The following APOOL variants were observed in gnomAD, a reference collection of about 807,000 sequenced individuals.
The protein encoded by APOOL is MICOS complex subunit MIC27.
Under a neutral mutation model 23.1 loss-of-function variants are expected in APOOL, and 12 were observed. The ratio of observed to expected loss-of-function variants is 0.52; its 90% CI spans 0.33 to 0.84. APOOL has a LOEUF of 0.84. APOOL is among the 40% of genes least tolerant of loss of function. The pLI is 0.02. For synonymous variants in APOOL, 77 were observed against 69.9 expected, an observed-to-expected ratio of 1.10 and a Z score of -0.51; for missense variants, 212 against 199.6, an observed-to-expected ratio of 1.06 and a Z score of -0.37.
chrX:85,025,423 C>T lies in APOOL; in HGVS notation c.16-21023C>T, dbSNP rs185535723. Among the ~76,000 whole-genome samples the T allele has an allele frequency of 2.0e-3, 229 of 111,865 alleles. 1 individual carries two copies. Among genetic ancestry groups the T allele is most frequent in the African/African-American group, 7.0e-3 (215 of 30,788 alleles). ...CATGTCCTTCCCACATTGCAAAATA[C>T]AATCGTACTTTCCCAACAGTCCCCA... On this transcript the variant is annotated intron_variant, in intron 1 of 8. Transcript: ENST00000373173.
At chrX:85,035,607 A>G (rs1424615727) in intron 1 of APOOL, among the ~76,000 whole-genome samples, 1 of 111,168 alleles carries the variant, frequency 9.0e-6, no homozygotes, top group Non-Finnish European at 1.9e-5. Context: ...TCTTTAATCC[A>G]TCTTGAGTTG....
At chrX:85,004,379 C>CT (rs2042791224) in intron 1 of APOOL, among the ~76,000 whole-genome samples, 1 of 112,172 alleles carries the variant, frequency 8.9e-6, no homozygotes, top group African/African-American at 3.2e-5. Context: ...GTCCCATAGT[C>CT]TTTCAGCAGT....
chrX:85,056,729 G>A (rs1048172350), intron 5 of APOOL, among the ~76,000 whole-genome samples: 2 of 111,396 alleles, frequency 1.8e-5, no homozygotes, highest in Non-Finnish European at 3.8e-5. Context: ...GGCAACAAGA[G>A]CGAAACTCCA....
intron 8 of APOOL, among the ~76,000 whole-genome samples, chrX:85,083,568 G>GA (rs1924186915): frequency 9.0e-6 from 1 of 111,402 alleles, no homozygotes; most frequent in Non-Finnish European, 1.9e-5. Context: ...AGCACACAGA[G>GA]AAAAAAGGAA....
intron 8 of APOOL, among the ~76,000 whole-genome samples, chrX:85,076,997 A>ATATATATATATATATATATACG (rs1569460438): frequency 1.2e-5 from 1 of 80,422 alleles, no homozygotes; most frequent in Admixed American, 1.3e-4. Context: ...TGCTAAACTT[A>ATATATATATATATATATATACG]TATATATATA....
At chrX:85,071,963 G>A (rs1923680561) in intron 6 of APOOL, among the ~76,000 whole-genome samples, 1 of 111,180 alleles carries the variant, frequency 9.0e-6, no homozygotes, top group Admixed American at 9.6e-5. Context: ...GCATGGTGGC[G>A]TGGGTATGGT....
intron 5 of APOOL, among the ~76,000 whole-genome samples, chrX:85,061,574 A>G (rs1025643998): frequency 1.8e-5 from 2 of 111,998 alleles, no homozygotes; most frequent in East Asian, 2.8e-4. Flanking sequence ...TTATTGGTCT[A>G]TTCAGAGATT....
chrX:85,091,651 G>A lies in APOOL; in HGVS notation c.*3973G>A, dbSNP rs1924519881. 8.9e-6 allele frequency: 1 copy of A among 111,755 alleles called. No individual in the cohort carries two copies. 9.2% of individuals were successfully genotyped at this position (111,755 alleles called of 1,213,427 possible). The stretch of plus-strand genomic sequence containing the variant: ...GAAACATAGAAATATAGTGTTGTAT[G>A]TGGTATCTTCCCTAAGATAAGTACA... On this transcript the variant is annotated 3_prime_UTR_variant, in exon 9 of 9. Coordinates refer to ENST00000373173, the MANE Select transcript of APOOL (RefSeq NM_198450.6).
At chrX:85,070,806 C>CTGCGTATA (rs1923639445) in intron 6 of APOOL, among the ~76,000 whole-genome samples, 1 of 106,039 alleles carries the variant, frequency 9.4e-6, no homozygotes. Context: ...TGCTTCTATT[C>CTGCGTATA]TGCGTATATG....
chrX:85,088,101 TATTTATAC>T lies in APOOL; in HGVS notation c.*426_*433del, dbSNP rs1924394336. 2.6e-4 allele frequency: 7 copies of T among 27,383 alleles called. 1 individual carries two copies. Among genetic ancestry groups the T allele is most frequent in the African/African-American group, 5.7e-4 (4 of 7,066 alleles). 2.3% of individuals were successfully genotyped at this position (27,383 alleles called of 1,213,427 possible). ...ACATATATGTATAAATACATATACA[TATTTATAC>T]ATATATGTATAAATACATACATATT... is the stretch of plus-strand genomic sequence containing the variant. On this transcript the variant is annotated 3_prime_UTR_variant, in exon 9 of 9. Transcript: ENST00000373173.
In APOOL at chrX:85,068,298, C is replaced by T. The variant is rs376520260; in HGVS notation, c.486+1080C>T. Among the ~76,000 whole-genome samples, 16 of 110,627 alleles carry T rather than the reference C, an allele frequency of 1.4e-4. No homozygotes were observed. The East Asian group carries it at 2.3e-3, about 16-fold the overall frequency. ...GAAACAGTAGCTCAGAGGAGTTTCA[C>T]AGTGACTGACTTGCCCAGCATCATA... On this transcript the variant is annotated intron_variant, in intron 6 of 8. Coordinates refer to ENST00000373173, the MANE Select transcript of APOOL (RefSeq NM_198450.6).
intron 8 of APOOL, among the ~76,000 whole-genome samples, chrX:85,086,920 T>C (rs915644934): frequency 5.5e-5 from 6 of 108,610 alleles, no homozygotes; most frequent in African/African-American, 6.7e-5. Flanking sequence ...AAGATGGTCT[T>C]GATCTCCTGA....
At chrX:85,046,037 G>T (rs1001192182) in intron 1 of APOOL, among the ~76,000 whole-genome samples, 6 of 110,720 alleles carry the variant, frequency 5.4e-5, no homozygotes, top group African/African-American at 2.0e-4. Flanking sequence ...TCTTTGTTTT[G>T]TTCACTGATA....
intron 5 of APOOL, among the ~76,000 whole-genome samples, chrX:85,064,599 C>T (rs1923380659): frequency 9.0e-6 from 1 of 111,247 alleles, no homozygotes; most frequent in Non-Finnish European, 1.9e-5. Context: ...TCATTAGTTT[C>T]AAAGAACATC....
chrX:85,065,356 T>G (rs1923415355), intron 5 of APOOL, among the ~76,000 whole-genome samples: 2 of 111,821 alleles, frequency 1.8e-5, no homozygotes, highest in African/African-American at 6.5e-5. Context: ...TGTCTTTAAT[T>G]AGGGCATTTA....
intron 6 of APOOL, among the ~76,000 whole-genome samples, chrX:85,070,947 T>A (rs192927365): frequency 1.8e-5 from 2 of 111,762 alleles, no homozygotes; most frequent in African/African-American, 3.2e-5. Flanking sequence ...GGGATAAAGA[T>A]AATTTGGTAC....
At chrX:85,049,440 A>C (rs1466531541) in intron 2 of APOOL, among the ~76,000 whole-genome samples, 1 of 111,656 alleles carries the variant, frequency 9.0e-6, no homozygotes, top group African/African-American at 3.3e-5. Context: ...TGCTCTTCCT[A>C]GAAAACTACA....
chrX:85,067,837 A>G (rs1443422205), intron 6 of APOOL, among the ~76,000 whole-genome samples: 1 of 111,588 alleles, frequency 9.0e-6, no homozygotes, highest in Non-Finnish European at 1.9e-5. Flanking sequence ...TGGAGAAGGA[A>G]AACTTTGGGT....
At chrX:85,067,721 G>T (rs1158246022) in intron 6 of APOOL, among the ~76,000 whole-genome samples, 1 of 109,713 alleles carries the variant, frequency 9.1e-6, no homozygotes, top group African/African-American at 3.3e-5. Flanking sequence ...CTGTATAAAT[G>T]CTTGTTATAG....
Sources: gnomAD v4.1 joint callset for allele counts (sites outside exome capture counted in the v4.1 genomes callset) on GRCh38, gnomAD v4.1.1 for gene constraint, MANE v1.5 for transcripts, NCBI Gene and HGNC (gene_info 2026-07-23, HGNC 2026-07-21) for gene names.